PID1: variants seen among roughly 807,000 people sequenced by gnomAD.
PID1 encodes the protein phosphotyrosine interaction domain containing 1, also known as PTB-containing, cubilin and LRP1-interacting protein.
A neutral mutation model predicts 19.1 loss-of-function variants in PID1; 10 were observed. That is an observed-to-expected ratio of 0.52 (90% CI 0.32 to 0.89). The LOEUF is 0.89. PID1 is among the 40% of genes least tolerant of loss of function. The pLI is 0.03. For synonymous variants in PID1, 130 were observed against 116.0 expected (o/e 1.12, Z -0.78); for missense variants, 248 against 285.3 (o/e 0.87, Z 0.94).
chr2:229,152,743 C>T (rs1483632473), intron 2 of PID1, among the ~76,000 whole-genome samples: 6 of 151,944 alleles, frequency 3.9e-5, no homozygotes, highest in African/African-American at 1.2e-4. Context: ...AAGGCAATCC[C>T]GTCAGGACCC....
intron 1 of PID1, among the ~76,000 whole-genome samples, chr2:229,210,178 A>G (rs892516960): frequency 1.5e-4 from 23 of 149,056 alleles, no homozygotes; most frequent in African/African-American, 5.4e-4. Flanking sequence ...AAGGAGGGGG[A>G]GGATCCATTC....
chr2:229,184,511 G>A lies in PID1; in HGVS notation c.31-28547C>T, dbSNP rs1197068862. ...TATATACCGTATATATATATATCCC[G>A]TATATATATATCCCGTATATATATA... On this transcript the variant is annotated intron_variant, in intron 1 of 2. Coordinates refer to ENST00000392055, the MANE Select transcript of PID1 (RefSeq NM_001100818.2). Among the ~76,000 whole-genome samples, 2 of 8,144 alleles carry A rather than the reference G, an allele frequency of 2.5e-4. 1 individual carries two copies. The highest frequency in any genetic ancestry group is 5.8e-3 in the East Asian group (2 of 344). 5.3% of individuals were successfully genotyped at this position (8,144 alleles called of 152,430 possible). A position where few individuals can be genotyped will look rare whatever the true frequency, so the allele number is the denominator to read the frequency against.
intron 2 of PID1, 81 bp downstream of exon 2, chr2:229,155,737 A>G (rs1371104579): frequency 8.1e-7 from 1 of 1,231,996 alleles, no homozygotes; most frequent in Non-Finnish European, 1.1e-6. Flanking sequence ...AATGATTACC[A>G]TTGTGAAACA....
intron 2 of PID1, among the ~76,000 whole-genome samples, chr2:229,035,806 G>A (rs935459826): frequency 2.0e-5 from 3 of 152,064 alleles, no homozygotes; most frequent in African/African-American, 4.8e-5. Context: ...CCTAGTCAGG[G>A]ACAGCAAAAA....
At position 229,046,347 on chromosome 2, in the gene PID1, A is replaced by AGTGTGTGT. The variant is rs35091766; in HGVS notation, c.178-20247_178-20240dup. Among the ~76,000 whole-genome samples the AGTGTGTGT allele has an allele frequency of 2.5e-3, 351 of 141,368 alleles. 1 individual carries two copies. The highest frequency in any genetic ancestry group is 6.8e-3 in the East Asian group (32 of 4,704). 92.7% of individuals were successfully genotyped at this position (141,368 alleles called of 152,430 possible). On this transcript the variant is annotated intron_variant, in intron 2 of 2. Transcript: ENST00000392055. ...AACTTCAGCATCCCTAAATTAGGAA[A>AGTGTGTGT]GTGTGTGTGTGTGTGTGTGTGTGTG... is the stretch of plus-strand genomic sequence containing the variant.
At chr2:229,134,572 C>T (rs139070127) in intron 2 of PID1, among the ~76,000 whole-genome samples, 24 of 151,950 alleles carry the variant, frequency 1.6e-4, no homozygotes, top group Admixed American at 5.2e-4. Flanking sequence ...AAAGTTAAAG[C>T]GTGAACATTG....
chr2:229,169,809 C>G (rs1690674451), intron 1 of PID1, among the ~76,000 whole-genome samples: 1 of 152,154 alleles, frequency 6.6e-6, no homozygotes, highest in Admixed American at 6.6e-5. Context: ...GGAAAAACTA[C>G]CCAGAATTGC....
intron 1 of PID1, among the ~76,000 whole-genome samples, chr2:229,266,985 C>A (rs1208657591): frequency 6.6e-6 from 1 of 152,178 alleles, no homozygotes; most frequent in Non-Finnish European, 1.5e-5. Context: ...TCTCACTTCT[C>A]AGGGGAAAAG....
chr2:229,124,829 T>G (rs1364014340), intron 2 of PID1, among the ~76,000 whole-genome samples: 1 of 152,242 alleles, frequency 6.6e-6, no homozygotes, highest in African/African-American at 2.4e-5. Context: ...GCATTTCTAC[T>G]ACCTGTTGAC....
intron 1 of PID1, among the ~76,000 whole-genome samples, chr2:229,196,434 A>G (rs906404415): frequency 6.6e-6 from 1 of 152,102 alleles, no homozygotes; most frequent in African/African-American, 2.4e-5. Context: ...AAAGTTATCT[A>G]TACTTTCCAA....
chr2:229,024,640 T>C lies in PID1; in HGVS notation c.*992A>G, dbSNP rs9646887. 0.085 allele frequency: 12,966 copies of C among 152,704 alleles called. 659 individuals carry two copies. Among genetic ancestry groups the C allele is most frequent in the Non-Finnish European group, 0.11 (7,487 of 68,002 alleles). The allele number at this position is 152,704 out of a possible 1,614,324, so 9.5% of individuals were successfully genotyped here. On this transcript the variant is annotated 3_prime_UTR_variant, in exon 3 of 3. Transcript: ENST00000392055. ...GATGGGGGCAAGGTTTCCTCGGTGA[T>C]ACCAAATCAGATTTGAAGCTTGCCA...
chr2:229,265,127 T>A (rs1326739638), intron 1 of PID1, among the ~76,000 whole-genome samples: 1 of 152,202 alleles, frequency 6.6e-6, no homozygotes, highest in Admixed American at 6.5e-5. Context: ...GAGACAGATA[T>A]GCTTTTTTTT....
intron 1 of PID1, among the ~76,000 whole-genome samples, chr2:229,180,826 C>T (rs75509687): frequency 3.3e-5 from 5 of 152,174 alleles, no homozygotes; most frequent in Admixed American, 6.5e-5. Context: ...CCTTTCGATC[C>T]GCTGAGGGCA....
intron 1 of PID1, among the ~76,000 whole-genome samples, chr2:229,170,130 C>T (rs891144987): frequency 6.6e-6 from 1 of 152,126 alleles, no homozygotes; most frequent in East Asian, 1.9e-4. Context: ...TTGGCCAAGT[C>T]GCATGTACTT....
rs5839310 is a variant in PID1, at chr2:229,163,501, AT to A, written c.31-7538del. 4.6e-4 allele frequency among the ~76,000 whole-genome samples: 69 copies of A among 149,300 alleles called. 1 individual carries two copies. Among genetic ancestry groups the A allele is most frequent in the African/African-American group, 2.9e-4 (12 of 40,752 alleles). ...TTCATGCAGCTTTGATCATGGAAGC[AT>A]TTTTTTTTTTACCTTCCCAGAGTCT... On this transcript the variant is annotated intron_variant, in intron 1 of 2. Transcript: ENST00000392055.
At chr2:229,117,611 T>C (rs1695435465) in intron 2 of PID1, among the ~76,000 whole-genome samples, 1 of 152,148 alleles carries the variant, frequency 6.6e-6, no homozygotes, top group African/African-American at 2.4e-5. Flanking sequence ...CTGTGTGATT[T>C]CCAAAGCTCT....
intron 1 of PID1, among the ~76,000 whole-genome samples, chr2:229,223,936 C>T (rs140111576): frequency 6.2e-4 from 95 of 152,266 alleles, no homozygotes; most frequent in African/African-American, 2.0e-3. Flanking sequence ...CCCCTTCCTC[C>T]CTCCTGGCTT....
At chr2:229,219,249 G>T (rs2106256858) in intron 1 of PID1, among the ~76,000 whole-genome samples, 1 of 152,234 alleles carries the variant, frequency 6.6e-6, no homozygotes, top group Middle Eastern at 3.4e-3. Flanking sequence ...ATTTTGTAAA[G>T]GAAAGAGATT....
At position 229,025,821 on chromosome 2, in the gene PID1, A is replaced by C. The variant is rs1693403905; in HGVS notation, c.465T>G (p.Asn155Lys). The C allele has an allele frequency of 6.2e-7, 1 of 1,614,158 alleles. No homozygotes were observed. The highest frequency in any genetic ancestry group is 8.5e-7 in the Non-Finnish European group (1 of 1,180,034). The change falls in exon 3 of 3, where the codon AAT becomes AAG. Residue 155 changes from asparagine to lysine, a missense_variant. By Grantham distance (94) the Asn-to-Lys change is moderately conservative. Coordinates refer to ENST00000392055, the MANE Select transcript of PID1 (RefSeq NM_001100818.2). ...AGTCCATCTGGTAGGACAGGTCATC[A>C]TTGATCTCCCTGTAGACCCAGGCGA... ...NIFAWVYREI[N>K]DDLSYQMDCH... is the part of the protein sequence containing the mutation.
Sources: allele counts gnomAD v4.1 joint callset (sites outside exome capture counted in the v4.1 genomes callset), GRCh38; gene constraint gnomAD v4.1.1; transcripts MANE v1.5; gene names NCBI Gene and HGNC (gene_info 2026-07-23, HGNC 2026-07-21).